The following ANGPT1 variants were observed in gnomAD, a reference collection of about 807,000 sequenced individuals.
ANGPT1 encodes the protein angiopoietin 1.
A neutral mutation model predicts 62.2 loss-of-function variants in ANGPT1; 17 were observed. The observed-to-expected ratio is 0.27, with a 90% confidence interval of 0.19 to 0.41. The LOEUF is 0.41. ANGPT1 is among the 10% of genes least tolerant of loss of function. The probability of loss-of-function intolerance (pLI) is 1.00; values close to 1 mark genes in which losing one functional copy is unlikely to be tolerated. For synonymous variants in ANGPT1, 199 were observed against 198.9 expected, an observed-to-expected ratio of 1.00 and a Z score of 0.00; for missense variants, 478 against 594.9, an observed-to-expected ratio of 0.80 and a Z score of 2.04.
At chr8:107,458,885 G>A (rs534042675) in intron 1 of ANGPT1, among the ~76,000 whole-genome samples, 3 of 151,788 alleles carry the variant, frequency 2.0e-5, no homozygotes, top group Non-Finnish European at 2.9e-5. Context: ...TATGACATAC[G>A]ACAAAACTAG....
At chr8:107,297,668 A>T (rs1355986701) in intron 5 of ANGPT1, among the ~76,000 whole-genome samples, 1 of 150,116 alleles carries the variant, frequency 6.7e-6, no homozygotes, top group Admixed American at 6.7e-5. Flanking sequence ...TTATCTTTAT[A>T]ATTATGATTT....
chr8:107,389,758 C>G (rs1816798786), intron 1 of ANGPT1, among the ~76,000 whole-genome samples: 1 of 152,042 alleles, frequency 6.6e-6, no homozygotes, highest in Non-Finnish European at 1.5e-5. Context: ...TATTTAGGGA[C>G]ATATATATGT....
At chr8:107,336,067 C>G in intron 3 of ANGPT1, 83 bp downstream of exon 3, 5 of 1,347,542 alleles carry the variant, frequency 3.7e-6, no homozygotes, top group Non-Finnish European at 4.9e-6. Context: ...CCACCTCAAC[C>G]TTATTTGTTT....
chr8:107,435,997 G>A (rs1811322315), intron 1 of ANGPT1, among the ~76,000 whole-genome samples: 1 of 152,098 alleles, frequency 6.6e-6, no homozygotes, highest in African/African-American at 2.4e-5. Flanking sequence ...CAACCTCCTG[G>A]GCCCAAGCCA....
chr8:107,366,618 G>A (rs950272970), intron 1 of ANGPT1, among the ~76,000 whole-genome samples: 4 of 152,086 alleles, frequency 2.6e-5, no homozygotes, highest in Admixed American at 6.6e-5. Flanking sequence ...ACTTAACTGC[G>A]TATTGTTACT....
intron 2 of ANGPT1, 116 bp from the exon 3 acceptor site, chr8:107,336,387 C>G: frequency 1.4e-6 from 2 of 1,397,046 alleles, no homozygotes; most frequent in Non-Finnish European, 1.9e-6. Context: ...GGTTTACCGC[C>G]GGGCGCAGTG....
rs1813260143 is a variant in ANGPT1, at chr8:107,252,081, G to A, written c.1337-66C>T. The A allele has an allele frequency of 5.3e-6, 8 of 1,502,286 alleles. No homozygotes were observed. In the South Asian group the frequency reaches 9.8e-5, roughly 18 times the overall value. 93.1% of individuals were successfully genotyped at this position (1,502,286 alleles called of 1,614,324 possible). On this transcript the variant is annotated intron_variant, in intron 8 of 8. Transcript: ENST00000517746. ...ACAATTTTAAGTAAATGGAATATTTGGAAATTAATGGCATTAAATGATGGG... is the reference window on the plus strand; with the variant it reads ...ACAATTTTAAGTAAATGGAATATTTAGAAATTAATGGCATTAAATGATGGG...
chr8:107,343,427 C>T (rs889362130), intron 2 of ANGPT1, among the ~76,000 whole-genome samples: 2 of 152,170 alleles, frequency 1.3e-5, no homozygotes, highest in African/African-American at 2.4e-5. Flanking sequence ...TAGCCAAAGT[C>T]ATGTGTCAGT....
intron 1 of ANGPT1, among the ~76,000 whole-genome samples, chr8:107,461,919 C>T (rs1037903471): frequency 2.6e-5 from 4 of 152,050 alleles, no homozygotes; most frequent in African/African-American, 9.7e-5. Flanking sequence ...TTGAAGAATA[C>T]AGCAAAGAAG....
At chr8:107,479,643 C>T (rs1284185391) in intron 1 of ANGPT1, among the ~76,000 whole-genome samples, 1 of 152,162 alleles carries the variant, frequency 6.6e-6, no homozygotes, top group Non-Finnish European at 1.5e-5. Context: ...ACAGCCTAAA[C>T]ATGACAGGTT....
intron 1 of ANGPT1, among the ~76,000 whole-genome samples, chr8:107,457,980 TA>T (rs1217448312): frequency 6.6e-6 from 1 of 152,112 alleles, no homozygotes; most frequent in East Asian, 1.9e-4. Context: ...AGCTATTCTT[TA>T]AAAAAATATT....
intron 1 of ANGPT1, among the ~76,000 whole-genome samples, chr8:107,467,310 A>G (rs1388977143): frequency 6.7e-6 from 1 of 149,136 alleles, no homozygotes; most frequent in Admixed American, 6.7e-5. Flanking sequence ...TTAACATTTT[A>G]TTTATTCATA....
At chr8:107,468,372 A>T in intron 1 of ANGPT1, among the ~76,000 whole-genome samples, 1 of 152,072 alleles carries the variant, frequency 6.6e-6, no homozygotes, top group East Asian at 1.9e-4. Flanking sequence ...ATTAAATTAA[A>T]TTAAAAAGTC....
intron 8 of ANGPT1, among the ~76,000 whole-genome samples, chr8:107,259,288 A>G (rs143625705): frequency 2.5e-3 from 387 of 152,256 alleles, no homozygotes; most frequent in East Asian, 4.2e-3. Context: ...TGTCACTTCA[A>G]GGTCATACAC....
At chr8:107,385,717 T>C (rs75478865) in intron 1 of ANGPT1, among the ~76,000 whole-genome samples, 45 of 152,134 alleles carry the variant, frequency 3.0e-4, no homozygotes, top group African/African-American at 1.1e-3. Flanking sequence ...TCAGTTCTCA[T>C]GGGGAATGCT....
intron 1 of ANGPT1, among the ~76,000 whole-genome samples, chr8:107,433,218 C>T (rs780239425): frequency 6.6e-6 from 1 of 151,984 alleles, no homozygotes; most frequent in African/African-American, 2.4e-5. Context: ...GAATTGATAC[C>T]TGGGGGTAGA....
At chr8:107,352,638 A>G (rs1158431033) in intron 1 of ANGPT1, among the ~76,000 whole-genome samples, 1 of 152,162 alleles carries the variant, frequency 6.6e-6, no homozygotes, top group Non-Finnish European at 1.5e-5. Context: ...CTTAAACCAG[A>G]GCATATCTTA....
chr8:107,420,453 A>G (rs1449178864), intron 1 of ANGPT1, among the ~76,000 whole-genome samples: 3 of 152,196 alleles, frequency 2.0e-5, no homozygotes, highest in South Asian at 2.1e-4. Context: ...ATTTAATACT[A>G]TGATTGTGTG....
At chr8:107,329,121 G>C (rs1815359411) in intron 3 of ANGPT1, among the ~76,000 whole-genome samples, 1 of 151,980 alleles carries the variant, frequency 6.6e-6, no homozygotes. Context: ...ACAAGTACTT[G>C]TGCATGTGTG....
Sources: allele counts gnomAD v4.1 joint callset (sites outside exome capture counted in the v4.1 genomes callset), GRCh38; gene constraint gnomAD v4.1.1; transcripts MANE v1.5; gene names NCBI Gene and HGNC (gene_info 2026-07-23, HGNC 2026-07-21).